MRE11: variants seen among roughly 807,000 people sequenced by gnomAD.
MRE11 encodes the protein MRE11 double strand break repair nuclease, also known as double-strand break repair protein MRE11.
In MRE11, 62 loss-of-function variants were observed where a neutral mutation model predicts 91.7. The ratio of observed to expected loss-of-function variants is 0.68; its 90% CI spans 0.55 to 0.84. MRE11 has a LOEUF of 0.84. MRE11 is among the 40% of genes least tolerant of loss of function. MRE11 has a pLI of 0.00. For synonymous variants in MRE11, 273 were observed against 271.4 expected (o/e 1.01, Z -0.06); for missense variants, 796 against 852.9 (o/e 0.93, Z 0.83).
intron 9 of MRE11, among the ~76,000 whole-genome samples, chr11:94,468,954 A>C (rs1946639556): frequency 6.6e-6 from 1 of 152,208 alleles, no homozygotes. Flanking sequence ...TTTGCCAGGT[A>C]CTAGGTCAAG....
At chr11:94,457,541 T>C (rs114910749) in intron 13 of MRE11, among the ~76,000 whole-genome samples, 218 of 152,250 alleles carry the variant, frequency 1.4e-3, no homozygotes, top group African/African-American at 5.0e-3. Flanking sequence ...TGAGACAGTA[T>C]GTAATCGTGC....
At chr11:94,498,733 G>A, upstream of MRE11, 1 of 575,768 alleles carries the variant, frequency 1.7e-6, no homozygotes, top group East Asian at 3.0e-5. Flanking sequence ...TTATTTCTGT[G>A]GAGTTTGTGA....
At chr11:94,471,432 T>G (rs1946707790) in intron 8 of MRE11, 142 bp downstream of exon 8, 1 of 764,730 alleles carries the variant, frequency 1.3e-6, no homozygotes, top group Non-Finnish European at 2.1e-6. Flanking sequence ...CACAGAATGA[T>G]CAATTTTCAA....
At chr11:94,502,628 T>C in the MRE11 span, among the ~76,000 whole-genome samples, 1 of 152,226 alleles carries the variant, frequency 6.6e-6, no homozygotes, top group East Asian at 1.9e-4. Context: ...ATATGAAGTA[T>C]ATGTTGTACA....
At chr11:94,472,665 C>T (rs961179370) in intron 7 of MRE11, among the ~76,000 whole-genome samples, 1 of 152,126 alleles carries the variant, frequency 6.6e-6, no homozygotes, top group African/African-American at 2.4e-5. Context: ...AAATACTTAA[C>T]ACAAACTTTG....
At position 94,478,743 on chromosome 11, in the gene MRE11, T is replaced by C. The variant is rs1397174008; in HGVS notation, c.536A>G (p.Tyr179Cys). 5.0e-6 allele frequency: 8 copies of C among 1,612,372 alleles called. No homozygotes were observed. The highest frequency in any genetic ancestry group is 3.3e-5 in the Admixed American group (2 of 59,982). Reference sequence around the variant, plus strand: ...AAATAAAACTGTCTTACCTAAACCATATAGCGCAATCTTTGTGCTTCCTTT... The same window carrying C: ...AAATAAAACTGTCTTACCTAAACCACATAGCGCAATCTTTGTGCTTCCTTT... Reference protein sequence around the residue: ...LQKGSTKIALYGLGSIPDERL... With the variant: ...LQKGSTKIALCGLGSIPDERL... Residue 179 changes from tyrosine (Y) to cysteine (C), a missense_variant, in exon 6 of 20, where the codon TAT becomes TGT. Physicochemically the swap from Tyr to Cys is radical, Grantham distance 194. Coordinates refer to ENST00000323929, the MANE Select transcript of MRE11 (RefSeq NM_005591.4).
chr11:94,440,078 G>A lies in MRE11; in HGVS notation c.1868-2843C>T, dbSNP rs191896413. Among the ~76,000 whole-genome samples, 8 of 152,310 alleles carry A rather than the reference G, an allele frequency of 5.3e-5. No homozygotes were observed. The East Asian group carries it at 1.5e-3, about 29-fold the overall frequency. ...AGAGCTGGCTGTGACTGACCCAATGGACCTGACTCCAGAGCCTGCATTCTT... is the reference window on the plus strand; with the variant it reads ...AGAGCTGGCTGTGACTGACCCAATGAACCTGACTCCAGAGCCTGCATTCTT... On this transcript the variant is annotated intron_variant, in intron 16 of 19. Transcript: ENST00000323929.
At chr11:94,488,295 A>T (rs1238696230) in intron 3 of MRE11, among the ~76,000 whole-genome samples, 1 of 152,214 alleles carries the variant, frequency 6.6e-6, no homozygotes, top group African/African-American at 2.4e-5. Flanking sequence ...TTGAAAAGTC[A>T]AAAAAGAACA....
intron 11 of MRE11, among the ~76,000 whole-genome samples, chr11:94,462,085 A>T (rs1263149224): frequency 2.0e-5 from 3 of 152,120 alleles, no homozygotes; most frequent in Non-Finnish European, 4.4e-5. Context: ...AAAAAAATGA[A>T]AATAAAAACA....
At chr11:94,501,481 A>C in the MRE11 span, among the ~76,000 whole-genome samples, 1 of 152,164 alleles carries the variant, frequency 6.6e-6, no homozygotes, top group African/African-American at 2.4e-5. Context: ...ATGACAATAC[A>C]TCCAAAATAT....
intron 7 of MRE11, 49 bp downstream of exon 7, chr11:94,476,240 T>A: frequency 1.7e-6 from 2 of 1,196,354 alleles, no homozygotes; most frequent in Non-Finnish European, 2.5e-6. Flanking sequence ...AGAAACAGAT[T>A]TGGGAAGCCT....
intron 19 of MRE11, among the ~76,000 whole-genome samples, chr11:94,426,770 T>C (rs976123997): frequency 6.6e-6 from 1 of 152,152 alleles, no homozygotes; most frequent in Non-Finnish European, 1.5e-5. Flanking sequence ...GAGACTACTA[T>C]GAATAACTAT....
At chr11:94,427,736 T>C (rs1375155629) in intron 19 of MRE11, among the ~76,000 whole-genome samples, 1 of 151,958 alleles carries the variant, frequency 6.6e-6, no homozygotes. Flanking sequence ...AGCATTTCTA[T>C]ACACCAATAA....
chr11:94,471,080 A>G (rs1341710256), intron 8 of MRE11, among the ~76,000 whole-genome samples: 3 of 152,214 alleles, frequency 2.0e-5, no homozygotes, highest in African/African-American at 7.2e-5. Flanking sequence ...CCCTATTATC[A>G]TTGTAACAAT....
chr11:94,429,883 T>C, intron 19 of MRE11, 28 bp downstream of exon 19: 1 of 1,556,588 alleles, frequency 6.4e-7, no homozygotes, highest in East Asian at 2.4e-5. Context: ...TAAAAATTAA[T>C]TAAAATTTAA....
the MRE11 span, among the ~76,000 whole-genome samples, chr11:94,509,797 T>G: frequency 1.3e-5 from 2 of 152,230 alleles, no homozygotes; most frequent in African/African-American, 4.8e-5. Context: ...TTCTTCCTTT[T>G]TTATTTTTTT....
intron 1 of MRE11, chr11:94,493,530 C>T (rs1177831442): frequency 6.6e-6 from 1 of 152,218 alleles, no homozygotes; most frequent in Non-Finnish European, 1.5e-5. Context: ...AGCCTCAACA[C>T]GCCCTCACCG....
intron 7 of MRE11, 116 bp downstream of exon 7, chr11:94,476,173 G>T: frequency 1.4e-6 from 1 of 691,544 alleles, no homozygotes; most frequent in Admixed American, 2.3e-5. Context: ...TGTTTTGTCT[G>T]ATCTTGCATT....
chr11:94,438,661 A>AT (rs755761962), intron 16 of MRE11, among the ~76,000 whole-genome samples: 1 of 152,204 alleles, frequency 6.6e-6, no homozygotes, highest in Non-Finnish European at 1.5e-5. Context: ...TTGTGAAATA[A>AT]TTTTATCAGA....
Sources: gnomAD v4.1 joint callset for allele counts (sites outside exome capture counted in the v4.1 genomes callset) on GRCh38, gnomAD v4.1.1 for gene constraint, MANE v1.5 for transcripts, NCBI Gene and HGNC (gene_info 2026-07-23, HGNC 2026-07-21) for gene names.